Variants in TEX35 observed in about 807,000 individuals in gnomAD.
The protein encoded by TEX35 is testis expressed 35, also known as testis-expressed protein 35.
Under a neutral mutation model 31.9 loss-of-function variants are expected in TEX35, and 26 were observed. The observed-to-expected ratio is 0.81, with a 90% confidence interval of 0.60 to 1.13. The LOEUF (loss-of-function observed/expected upper bound fraction) is 1.13, where lower values mean the gene tolerates loss of function less well. Ranked by LOEUF, TEX35 falls within the 50% of genes most tolerant of loss-of-function variation. The pLI is 0.00. For missense variants in TEX35, 278 were observed against 273.5 expected, an observed-to-expected ratio of 1.02 and a Z score of -0.12; for synonymous variants, 87 against 90.7, an observed-to-expected ratio of 0.96 and a Z score of 0.23.
intron 3 of TEX35, among the ~76,000 whole-genome samples, 176 bp downstream of exon 3, chr1:178,514,944 A>G (rs545128854): frequency 6.6e-6 from 1 of 152,330 alleles, no homozygotes; most frequent in East Asian, 1.9e-4. Flanking sequence ...CCCTTGTTCT[A>G]ATTTCACCAG....
chr1:178,522,334 C>T lies in TEX35; in HGVS notation c.596C>T (p.Pro199Leu). 6.3e-7 allele frequency: 1 copy of T among 1,598,886 alleles called. No homozygotes were observed. The highest frequency in any genetic ancestry group is 2.2e-5 in the East Asian group (1 of 44,554). Residue 199 changes from proline (P) to leucine (L), a missense_variant, in exon 9 of 9, where the codon CCT becomes CTT. Physicochemically the swap from Pro to Leu is moderately conservative, Grantham distance 98. Coordinates refer to ENST00000319416, the MANE Select transcript of TEX35 (RefSeq NM_032126.5). ...CCCTCCACCCCCAAAGGGAACATTC[C>T]TTCAGAGGCCTCAGGCCTTTACAAA... ...LKNNYNRGNIPSEASGLYKGG... is the reference protein window; with the variant it reads ...LKNNYNRGNILSEASGLYKGG...
At position 178,521,339 on chromosome 1, in the gene TEX35, C is replaced by T. The variant is rs368087165; in HGVS notation, c.586+75C>T. On this transcript the variant is annotated intron_variant, in intron 8 of 8. Transcript: ENST00000319416. Reference sequence around the variant, plus strand: ...GTCCCCAAGGCCATGTGCTCCCAGCCGCATTCACATCACACCCCTCCTGAG... The same window carrying T: ...GTCCCCAAGGCCATGTGCTCCCAGCTGCATTCACATCACACCCCTCCTGAG... 94 of 1,528,362 alleles carry T rather than the reference C, an allele frequency of 6.2e-5. 1 individual carries two copies. Among genetic ancestry groups the T allele is most frequent in the African/African-American group, 6.1e-4 (45 of 73,324 alleles). 94.7% of individuals were successfully genotyped at this position (1,528,362 alleles called of 1,614,324 possible). A position where few individuals can be genotyped will look rare whatever the true frequency, so the allele number is the denominator to read the frequency against.
intron 4 of TEX35, among the ~76,000 whole-genome samples, 186 bp downstream of exon 4, chr1:178,516,101 T>C (rs1187885755): frequency 6.6e-6 from 1 of 152,218 alleles, no homozygotes. Flanking sequence ...ACCCAATTTT[T>C]GAGTGACTGA....
chr1:178,520,537 G>T, intron 6 of TEX35, 101 bp downstream of exon 6: 1 of 1,606,896 alleles, frequency 6.2e-7, no homozygotes, highest in Non-Finnish European at 8.5e-7. Context: ...GACTCTTGGA[G>T]GAGTTGTCTT....
At chr1:178,513,253 T>C (rs1357504868) in intron 1 of TEX35, 26 bp downstream of exon 1, 2 of 1,613,996 alleles carry the variant, frequency 1.2e-6, no homozygotes, top group Non-Finnish European at 1.7e-6. Context: ...TGCTGGACAG[T>C]GTGGGTCCTC....
chr1:178,521,634 T>A, intron 8 of TEX35: 1 of 1,552,296 alleles, frequency 6.4e-7, no homozygotes, highest in Admixed American at 2.0e-5. Context: ...TATCTGTACC[T>A]CAACCCCGGT....
At chr1:178,516,329 T>A (rs1364444806) in intron 4 of TEX35, among the ~76,000 whole-genome samples, 1 of 152,228 alleles carries the variant, frequency 6.6e-6, no homozygotes, top group Non-Finnish European at 1.5e-5. Flanking sequence ...AAAAAGCGAA[T>A]AATCGAGCAA....
Position 178,514,481 on chromosome 1 carries a change from A to G in TEX35, c.91-219A>G, listed in dbSNP as rs563078232. ...GAATGAGCCTGGCTGTTCAAGGGAC[A>G]AAAGGAGCTGAGGCCCCGTGGGCCA... On this transcript the variant is annotated intron_variant, in intron 2 of 8. Coordinates refer to ENST00000319416, the MANE Select transcript of TEX35 (RefSeq NM_032126.5). 7.2e-5 allele frequency among the ~76,000 whole-genome samples: 11 copies of G among 152,332 alleles called. 1 individual carries two copies. The South Asian group carries it at 1.0e-3, about 14-fold the overall frequency.
intron 8 of TEX35, chr1:178,522,034 CT>C: frequency 1.5e-6 from 1 of 668,064 alleles, no homozygotes; most frequent in South Asian, 2.0e-5. Flanking sequence ...GGGAGGGCCC[CT>C]GATGATAGCG....
intron 8 of TEX35, 55 bp from the exon 9 acceptor site, chr1:178,522,270 G>T: frequency 2.0e-6 from 3 of 1,521,254 alleles, no homozygotes; most frequent in Non-Finnish European, 1.8e-6. Context: ...GGGTTCTGGG[G>T]ATCCACCCTT....
chr1:178,521,902 A>G, intron 8 of TEX35: 1 of 1,366,798 alleles, frequency 7.3e-7, no homozygotes, highest in East Asian at 2.5e-5. Flanking sequence ...TTCAGACTCC[A>G]ACCCTTCCCC....
intron 1 of TEX35, 143 bp downstream of exon 1, chr1:178,513,370 A>T: frequency 3.6e-6 from 4 of 1,100,712 alleles, no homozygotes; most frequent in Non-Finnish European, 5.4e-6. Flanking sequence ...GCAGCCTCTC[A>T]GTCTGGAAGG....
intron 8 of TEX35, chr1:178,521,521 G>A: frequency 8.0e-7 from 1 of 1,244,116 alleles, no homozygotes; most frequent in Non-Finnish European, 1.2e-6. Flanking sequence ...TGGCGGAACT[G>A]ACCTTGCCTC....
chr1:178,520,643 C>A (rs199953649), intron 6 of TEX35, 30 bp from the exon 7 acceptor site: 40 of 1,609,186 alleles, frequency 2.5e-5, no homozygotes, highest in Non-Finnish European at 3.1e-5. Context: ...CTCCCCAACT[C>A]TCTGCCCCTC....
chr1:178,522,138 G>C, intron 8 of TEX35, 187 bp from the exon 9 acceptor site: 1 of 809,058 alleles, frequency 1.2e-6, no homozygotes, highest in Non-Finnish European at 1.9e-6. Context: ...TGGGGCCAGG[G>C]TGTCTTGGGT....
downstream of TEX35, chr1:178,522,765 C>A: frequency 1.6e-6 from 1 of 622,762 alleles, no homozygotes; most frequent in Non-Finnish European, 2.1e-6. Context: ...ATAAGCATGC[C>A]ATGGAGAATG....
At chr1:178,523,339 G>C, downstream of TEX35, 3 of 690,936 alleles carry the variant, frequency 4.3e-6, no homozygotes, top group East Asian at 2.7e-5. Flanking sequence ...ATCTATGGTA[G>C]CTCAATTTTT....
intron 2 of TEX35, among the ~76,000 whole-genome samples, chr1:178,514,350 AG>A (rs1649992916): frequency 6.6e-6 from 1 of 152,228 alleles, no homozygotes; most frequent in African/African-American, 2.4e-5. Context: ...TGGTAGGGAA[AG>A]GCCTTCCTTT....
chr1:178,520,983 C>T (rs1314244629), intron 7 of TEX35, 109 bp downstream of exon 7: 26 of 1,554,642 alleles, frequency 1.7e-5, no homozygotes, highest in Non-Finnish European at 2.0e-5. Context: ...CAGGTCCGCC[C>T]GCTGCTGACT....
Sources: allele counts gnomAD v4.1 joint callset (sites outside exome capture counted in the v4.1 genomes callset), GRCh38; gene constraint gnomAD v4.1.1; transcripts MANE v1.5; gene names NCBI Gene and HGNC (gene_info 2026-07-23, HGNC 2026-07-21).